Variants in CADM2 observed in about 807,000 individuals in gnomAD.
CADM2 encodes immunoglobulin superfamily member 4D.
CADM2 carries 12 observed loss-of-function variants against 49.8 expected under a neutral mutation model. That is an observed-to-expected ratio of 0.24 (90% CI 0.15 to 0.39). The LOEUF (loss-of-function observed/expected upper bound fraction) is 0.39, where lower values mean the gene tolerates loss of function less well. Among genes scored for constraint, CADM2 ranks in the 10% least tolerant of loss-of-function variants. The pLI is 1.00. For missense variants in CADM2, 378 were observed against 492.3 expected, an observed-to-expected ratio of 0.77 and a Z score of 2.20; for synonymous variants, 214 against 175.4, an observed-to-expected ratio of 1.22 and a Z score of -1.74.
intron 1 of CADM2, among the ~76,000 whole-genome samples, chr3:85,636,916 A>G (rs2064505419): frequency 6.6e-6 from 1 of 152,186 alleles, no homozygotes. Flanking sequence ...TGTCTACACA[A>G]CAAAATGCTT....
At chr3:85,116,221 G>A (rs540868364) in intron 1 of CADM2, among the ~76,000 whole-genome samples, 3 of 152,286 alleles carry the variant, frequency 2.0e-5, no homozygotes, top group Middle Eastern at 3.4e-3. Context: ...CAGCTACTGG[G>A]GAGGCTGAGG....
chr3:85,820,380 G>T (rs2073478597), intron 3 of CADM2, among the ~76,000 whole-genome samples: 1 of 152,148 alleles, frequency 6.6e-6, no homozygotes, highest in Non-Finnish European at 1.5e-5. Flanking sequence ...CAGAAGCAGG[G>T]AGACCAATTA....
At chr3:85,419,647 A>G (rs2036078459) in intron 1 of CADM2, among the ~76,000 whole-genome samples, 1 of 152,258 alleles carries the variant, frequency 6.6e-6, no homozygotes, top group Non-Finnish European at 1.5e-5. Flanking sequence ...TACTCCTACA[A>G]ACTTCTATCA....
In CADM2 at chr3:85,796,140, C is replaced by T. The variant is rs2071606570; in HGVS notation, c.89-5907C>T. On this transcript the variant is annotated intron_variant, in intron 2 of 9. Coordinates refer to ENST00000383699, the MANE Select transcript of CADM2 (RefSeq NM_001167675.2). ...GTTGATCATCAAAATGTCATCTGGG[C>T]TGAACCATGTATATTTTTATTAGCA... Among the ~76,000 whole-genome samples, 4 of 152,156 alleles carry T rather than the reference C, an allele frequency of 2.6e-5. No homozygotes were observed. The South Asian group carries it at 8.3e-4, about 32-fold the overall frequency.
At chr3:85,863,609 A>G (rs1237809981) in intron 3 of CADM2, among the ~76,000 whole-genome samples, 1 of 152,168 alleles carries the variant, frequency 6.6e-6, no homozygotes, top group African/African-American at 2.4e-5. Flanking sequence ...TTCAGCAGAC[A>G]CTAGCACTTT....
intron 1 of CADM2, among the ~76,000 whole-genome samples, chr3:85,448,684 A>C (rs2107561733): frequency 6.6e-6 from 1 of 152,164 alleles, no homozygotes; most frequent in South Asian, 2.1e-4. Flanking sequence ...AAAGTTACTT[A>C]ATCATTTAAT....
chr3:85,401,172 G>T (rs1009216414), intron 1 of CADM2, among the ~76,000 whole-genome samples: 1 of 152,106 alleles, frequency 6.6e-6, no homozygotes. Context: ...CCACACTCAT[G>T]GGGGGACCTG....
intron 1 of CADM2, among the ~76,000 whole-genome samples, chr3:85,182,750 A>T (rs1358286944): frequency 6.6e-6 from 1 of 152,120 alleles, no homozygotes; most frequent in African/African-American, 2.4e-5. Context: ...AAACATTTTA[A>T]GGATTATGAA....
At chr3:85,755,551 C>A (rs74914462) in intron 2 of CADM2, among the ~76,000 whole-genome samples, 4,758 of 152,104 alleles carry the variant, frequency 0.031, 235 homozygotes, top group East Asian at 0.19. Context: ...AAAGATTTGG[C>A]AATTAATAAA....
In CADM2 at chr3:85,961,417, A is replaced by G. The variant is rs1724803275; in HGVS notation, c.792-52A>G. On this transcript the variant is annotated intron_variant, in intron 7 of 9. Coordinates refer to ENST00000383699, the MANE Select transcript of CADM2 (RefSeq NM_001167675.2). ...AAAAATTGATTTACTAAATTTACAC[A>G]TATTTAACATTTCTTATTTTTGCTA... is the stretch of plus-strand genomic sequence containing the variant. The G allele has an allele frequency of 4.3e-6, 6 of 1,392,432 alleles. No individual in the cohort carries two copies. The African/African-American group carries it at 4.3e-5, about 10-fold the overall frequency. The allele number at this position is 1,392,432 out of a possible 1,614,324, so 86.3% of individuals were successfully genotyped here.
chr3:85,419,299 C>CA (rs11350829), intron 1 of CADM2, among the ~76,000 whole-genome samples: 12 of 151,578 alleles, frequency 7.9e-5, no homozygotes, highest in African/African-American at 1.9e-4. Context: ...ACTAAAATTA[C>CA]AAAAAAAAAT....
At chr3:85,626,581 A>C (rs1487291583) in intron 1 of CADM2, among the ~76,000 whole-genome samples, 2 of 152,056 alleles carry the variant, frequency 1.3e-5, no homozygotes, top group Non-Finnish European at 1.5e-5. Flanking sequence ...TATCCTAAAA[A>C]TATTATCAAC....
At chr3:85,596,499 A>G (rs1039798508) in intron 1 of CADM2, among the ~76,000 whole-genome samples, 16 of 152,124 alleles carry the variant, frequency 1.1e-4, no homozygotes, top group African/African-American at 3.6e-4. Context: ...TAAAAACTGC[A>G]TATAATTAAT....
chr3:85,609,209 T>C (rs2063613767), intron 1 of CADM2, among the ~76,000 whole-genome samples: 1 of 152,092 alleles, frequency 6.6e-6, no homozygotes, highest in South Asian at 2.1e-4. Flanking sequence ...TGAAGAATGA[T>C]TCCCTAAGAT....
At chr3:85,534,457 A>G (rs2061383927) in intron 1 of CADM2, among the ~76,000 whole-genome samples, 1 of 152,182 alleles carries the variant, frequency 6.6e-6, no homozygotes, top group Admixed American at 6.6e-5. Flanking sequence ...TATTCTAGAG[A>G]TGATGTTGGT....
intron 6 of CADM2, among the ~76,000 whole-genome samples, chr3:85,924,952 G>A (rs959352614): frequency 2.0e-5 from 3 of 152,054 alleles, no homozygotes; most frequent in South Asian, 2.1e-4. Context: ...TGCATTCTAT[G>A]CTTTACATTA....
intron 1 of CADM2, among the ~76,000 whole-genome samples, chr3:85,212,848 T>TTCTTTCTTTCTTTC (rs2041819152): frequency 8.6e-6 from 1 of 115,930 alleles, no homozygotes; most frequent in South Asian, 2.8e-4. Flanking sequence ...CTTTCTTTCT[T>TTCTTTCTTTCTTTC]TCTTTCTTTC....
chr3:85,538,421 T>C (rs1272471259), intron 1 of CADM2, among the ~76,000 whole-genome samples: 1 of 149,484 alleles, frequency 6.7e-6, no homozygotes, highest in East Asian at 2.1e-4. Flanking sequence ...GAAGGGACTA[T>C]GCTGAGATGC....
rs1553711899 is a variant in CADM2, at chr3:85,347,610, A to AATATATATACATATATATAAAT, written c.62-378904_62-378883dup. 5.5e-3 allele frequency among the ~76,000 whole-genome samples: 492 copies of AATATATATACATATATATAAAT among 90,004 alleles called. 1 individual carries two copies. The highest frequency in any genetic ancestry group is 0.016 in the Middle Eastern group (2 of 128). The allele number at this position is 90,004 out of a possible 152,430, so 59.0% of individuals were successfully genotyped here. On this transcript the variant is annotated intron_variant, in intron 1 of 9. Coordinates refer to ENST00000383699, the MANE Select transcript of CADM2 (RefSeq NM_001167675.2). ...ATACATATATATACATATATATAAA[A>AATATATATACATATATATAAAT]ATATATATACATATATATAAATATA...
Sources: allele counts gnomAD v4.1 joint callset (sites outside exome capture counted in the v4.1 genomes callset), GRCh38; gene constraint gnomAD v4.1.1; transcripts MANE v1.5; gene names NCBI Gene and HGNC (gene_info 2026-07-23, HGNC 2026-07-21).